Variants in CTBP2 observed in about 807,000 individuals in gnomAD.
CTBP2 encodes C-terminal binding protein 2.
Under a neutral mutation model 80.3 loss-of-function variants are expected in CTBP2, and 30 were observed. The observed-to-expected ratio is 0.37, with a 90% CI of 0.28 to 0.51. CTBP2 has a LOEUF of 0.51. Ranked by LOEUF, CTBP2 falls within the 20% of genes least tolerant of loss-of-function variation. CTBP2 has a pLI of 0.93. For synonymous variants in CTBP2, 594 were observed against 587.4 expected (o/e 1.01, Z -0.16); for missense variants, 1,212 against 1,375.3 (o/e 0.88, Z 1.88).
intron 2 of CTBP2, among the ~76,000 whole-genome samples, chr10:125,067,903 T>G (rs574330035): frequency 6.6e-6 from 1 of 152,304 alleles, no homozygotes; most frequent in East Asian, 1.9e-4. Context: ...GCCACCGGGC[T>G]GCAGACCCAG....
chr10:125,079,550 C>T (rs1354580282), intron 2 of CTBP2, among the ~76,000 whole-genome samples: 1 of 152,198 alleles, frequency 6.6e-6, no homozygotes, highest in Non-Finnish European at 1.5e-5. Flanking sequence ...CATTTTGAAA[C>T]AGCCCATTAT....
chr10:125,161,338 C>T (rs1203429076), upstream of CTBP2, among the ~76,000 whole-genome samples: 6 of 151,952 alleles, frequency 3.9e-5, no homozygotes, highest in Non-Finnish European at 7.4e-5. Context: ...GGCTCGGGGT[C>T]CGCTGCTCCC....
upstream of CTBP2, among the ~76,000 whole-genome samples, chr10:125,031,348 G>A (rs1009703602): frequency 2.0e-5 from 3 of 151,872 alleles, no homozygotes; most frequent in Admixed American, 2.0e-4. Context: ...AATTAGCCGG[G>A]CGTGGTGGCG....
chr10:125,035,758 T>G (rs778073660), intron 3 of CTBP2, among the ~76,000 whole-genome samples: 1 of 152,190 alleles, frequency 6.6e-6, no homozygotes, highest in Non-Finnish European at 1.5e-5. Context: ...TCTGGCATAA[T>G]GCGATAAAGT....
At chr10:125,088,547 A>G (rs146977193) in intron 2 of CTBP2, among the ~76,000 whole-genome samples, 17 of 152,294 alleles carry the variant, frequency 1.1e-4, no homozygotes, top group Non-Finnish European at 2.2e-4. Context: ...CCATTTATCA[A>G]TCAATGCAAT....
intron 1 of CTBP2, chr10:125,005,896 G>A (rs983682109): frequency 2.0e-6 from 3 of 1,520,644 alleles, no homozygotes; most frequent in Non-Finnish European, 1.8e-6. Flanking sequence ...GAGAGTGCCT[G>A]ATTATAAGAA....
intron 2 of CTBP2, among the ~76,000 whole-genome samples, chr10:125,104,732 T>C (rs1851197258): frequency 6.6e-6 from 1 of 152,250 alleles, no homozygotes; most frequent in South Asian, 2.1e-4. Flanking sequence ...AAGAATGAAT[T>C]GCAAAAGCAT....
intron 2 of CTBP2, among the ~76,000 whole-genome samples, chr10:125,082,987 TC>T (rs1386635107): frequency 1.3e-5 from 2 of 152,140 alleles, no homozygotes; most frequent in Admixed American, 6.5e-5. Context: ...GGAGAGGGTT[TC>T]CCAGAGCACA....
Position 125,026,590 on chromosome 10 carries a change from A to AGCCGCAGGCTGGGGCTGCGGG in CTBP2, c.1169_1170insCCCGCAGCCCCAGCCTGCGGC (p.Pro391_Leu392insGlnProGlnProAlaAlaPro). On this transcript the variant is annotated inframe_insertion, in exon 1 of 9. Transcript: ENST00000309035. ...CTCGGGGGGATGCTGTCTGCAGAGG[A>AGCCGCAGGCTGGGGCTGCGGG]GCCGCAGCGCCCAGAGAAGCCAAGT... 6.4e-7 allele frequency: 1 copy of AGCCGCAGGCTGGGGCTGCGGG among 1,561,450 alleles called. No individual in the cohort carries two copies. The highest frequency in any genetic ancestry group is 8.7e-7 in the Non-Finnish European group (1 of 1,153,448).
intron 1 of CTBP2, among the ~76,000 whole-genome samples, chr10:125,120,646 C>T (rs1409942895): frequency 6.6e-6 from 1 of 152,188 alleles, no homozygotes; most frequent in Non-Finnish European, 1.5e-5. Flanking sequence ...CTTGGCCTCC[C>T]AATGTTCTGG....
At chr10:124,992,655 G>C in intron 8 of CTBP2, 40 bp downstream of exon 10, 1 of 1,483,682 alleles carries the variant, frequency 6.7e-7, no homozygotes. Flanking sequence ...CCGGGGCCGT[G>C]GTGCTCACAA....
intron 1 of CTBP2, among the ~76,000 whole-genome samples, chr10:125,159,599 T>C (rs1861589429): frequency 6.7e-6 from 1 of 149,970 alleles, no homozygotes; most frequent in Non-Finnish European, 1.5e-5. Context: ...TTCCCGTCTT[T>C]CACTTGCGCT....
At chr10:125,146,327 C>T (rs1393745686) in intron 1 of CTBP2, among the ~76,000 whole-genome samples, 1 of 150,968 alleles carries the variant, frequency 6.6e-6, no homozygotes, top group Non-Finnish European at 1.5e-5. Flanking sequence ...GTTGCCCAGG[C>T]TGGAGTGCAA....
At chr10:125,139,404 G>A (rs886183062) in intron 1 of CTBP2, among the ~76,000 whole-genome samples, 1 of 148,864 alleles carries the variant, frequency 6.7e-6, no homozygotes, top group Non-Finnish European at 1.5e-5. Flanking sequence ...AAAGATGGTA[G>A]CTACTATTAT....
intron 2 of CTBP2, among the ~76,000 whole-genome samples, chr10:125,072,634 GAAAAAAAAAAAAA>G (rs55742060): frequency 2.0e-5 from 2 of 100,140 alleles, no homozygotes; most frequent in Admixed American, 1.1e-4. Flanking sequence ...AAAAAGAAAA[GAAAAAAAAAAAAA>G]AAAAAAAAAA....
intron 1 of CTBP2, among the ~76,000 whole-genome samples, chr10:125,127,736 C>A (rs529414267): frequency 1.3e-5 from 2 of 152,282 alleles, no homozygotes; most frequent in South Asian, 2.1e-4. Context: ...ATGCCCTATA[C>A]GCACCTCCCT....
intron 2 of CTBP2, among the ~76,000 whole-genome samples, chr10:125,104,065 C>T (rs1370924810): frequency 3.3e-5 from 5 of 152,184 alleles, no homozygotes; most frequent in African/African-American, 9.7e-5. Context: ...CTCAGGAATT[C>T]GATACCTTCA....
At chr10:125,161,632 G>C (rs1861901824), upstream of CTBP2, among the ~76,000 whole-genome samples, 1 of 152,144 alleles carries the variant, frequency 6.6e-6, no homozygotes, top group Non-Finnish European at 1.5e-5. Flanking sequence ...GGCGACCGCT[G>C]TGGGTGCGCA....
At chr10:125,002,052 A>G (rs1954593689) in intron 3 of CTBP2, among the ~76,000 whole-genome samples, 1 of 152,194 alleles carries the variant, frequency 6.6e-6, no homozygotes, top group African/African-American at 2.4e-5. Flanking sequence ...AGGTGGGGAA[A>G]TAGCGCCTGG....
Sources: gnomAD v4.1 joint callset for allele counts (sites outside exome capture counted in the v4.1 genomes callset) on GRCh38, gnomAD v4.1.1 for gene constraint, MANE v1.5 for transcripts, NCBI Gene and HGNC (gene_info 2026-07-23, HGNC 2026-07-21) for gene names.